The following TRPV4 variants were observed in gnomAD, a reference collection of about 807,000 sequenced individuals.
The protein encoded by TRPV4 is OSM9-like transient receptor potential channel 4.
TRPV4 carries 58 observed loss-of-function variants against 84.1 expected under a neutral mutation model. The observed-to-expected ratio is 0.69, with a 90% CI of 0.56 to 0.86. TRPV4 has a LOEUF of 0.86. TRPV4 is among the 40% of genes least tolerant of loss of function. The pLI is 0.00. For synonymous variants in TRPV4, 489 were observed against 500.9 expected, an observed-to-expected ratio of 0.98 and a Z score of 0.32; for missense variants, 879 against 1,181.1, an observed-to-expected ratio of 0.74 and a Z score of 3.75.
chr12:109,784,248 G>T, intron 15 of TRPV4, 68 bp downstream of exon 15: 2 of 1,610,420 alleles, frequency 1.2e-6, no homozygotes, highest in Non-Finnish European at 1.7e-6. Flanking sequence ...AAAGAAGCAG[G>T]ACTGCTCAAA....
intron 3 of TRPV4, among the ~76,000 whole-genome samples, chr12:109,805,457 G>A (rs1285811676): frequency 1.3e-5 from 2 of 152,214 alleles, no homozygotes; most frequent in East Asian, 3.9e-4. Flanking sequence ...CCAGGAACCA[G>A]CCACCAGGTG....
At position 109,793,509 on chromosome 12, in the gene TRPV4, C is replaced by T. The variant is rs574182242; in HGVS notation, c.1658+18G>A. On this transcript the variant is annotated intron_variant, in intron 10 of 15. Coordinates refer to ENST00000261740, the MANE Select transcript of TRPV4 (RefSeq NM_021625.5). The surrounding 1 kb of genome is among the most constrained non-coding windows in gnomAD (Gnocchi z 4.0). Reference sequence around the variant, plus strand: ...CCTTCCTCACCCAGAAGCTGCCGGCCCAGGGACCTCTACTCACTAGAGCAG... The same window carrying T: ...CCTTCCTCACCCAGAAGCTGCCGGCTCAGGGACCTCTACTCACTAGAGCAG... The T allele has an allele frequency of 3.1e-6, 5 of 1,611,446 alleles. No homozygotes were observed. The highest frequency in any genetic ancestry group is 1.7e-4 in the Middle Eastern group (1 of 6,036).
rs1481500312 is a variant in TRPV4 at position 109,788,450 on chromosome 12, C to T, written c.2158G>A (p.Glu720Lys). 7 of 1,614,202 alleles carry T rather than the reference C, an allele frequency of 4.3e-6. No individual in the cohort carries two copies. The Admixed American group carries it at 5.0e-5, about 12-fold the overall frequency. ...LLNMLIALMGETVGQVSKESK... is the reference protein window; with the variant it reads ...LLNMLIALMGKTVGQVSKESK... ...TCCTTGGAGACCTGGCCCACTGTCTCGCCCATGAGGGCAATGAGCATGTTG... is the reference window on the plus strand; with the variant it reads ...TCCTTGGAGACCTGGCCCACTGTCTTGCCCATGAGGGCAATGAGCATGTTG... Residue 720 changes from glutamate (E) to lysine (K), a missense_variant, in exon 13 of 16, where the codon GAG (glutamate) becomes AAG (lysine). Around this residue, in one of 4 missense-constraint regions of TRPV4, gnomAD observed 242 missense variants for 355.3 expected, o/e 0.68. Transcript: ENST00000261740.
rs1213542341 is a variant in TRPV4, at chr12:109,796,461, C to G, written c.1332+64G>C. The G allele has an allele frequency of 6.3e-7, 1 of 1,591,162 alleles. No individual in the cohort carries two copies. Among genetic ancestry groups the G allele is most frequent in the African/African-American group, 1.3e-5 (1 of 74,272 alleles). On this transcript the variant is annotated intron_variant, in intron 7 of 15. Transcript: ENST00000261740. This position sits in a 1 kb window ranked among gnomAD's most constrained non-coding sequence, Gnocchi z 4.2. ...TGTCTCCCCCAGCCCAGCCCCAGGG[C>G]CCTGTCCCTACTCCCAGCCCTGCCC...
rs552117960 is a variant in TRPV4, at chr12:109,805,300, C to A, written c.560-2157G>T. Among the ~76,000 whole-genome samples, 13 of 152,344 alleles carry A rather than the reference C, an allele frequency of 8.5e-5. No individual in the cohort carries two copies. The South Asian group carries it at 2.5e-3, about 29-fold the overall frequency. The stretch of plus-strand genomic sequence containing the variant: ...CGAGAGCTGGGCACCCCAGGTAATT[C>A]CAAACCATAGGTGACCCAAAGTGGA... On this transcript the variant is annotated intron_variant, in intron 3 of 15. Coordinates refer to ENST00000261740, the MANE Select transcript of TRPV4 (RefSeq NM_021625.5).
rs1889453240 is a variant in TRPV4 at position 109,783,335 on chromosome 12, A to C, written c.*286T>G. On this transcript the variant is annotated 3_prime_UTR_variant, in exon 16 of 16. Transcript: ENST00000261740. The surrounding 1 kb of genome is among the most constrained non-coding windows in gnomAD (Gnocchi z 4.6). ...AGGGGTCACGTCGCTTCCTGAGAGCAGAGCAAATAAATAATGGAGAGGCAG... is the reference window on the plus strand; with the variant it reads ...AGGGGTCACGTCGCTTCCTGAGAGCCGAGCAAATAAATAATGGAGAGGCAG... 2.4e-6 allele frequency: 1 copy of C among 413,752 alleles called. No individual in the cohort carries two copies. Among genetic ancestry groups the C allele is most frequent in the Non-Finnish European group, 4.3e-6 (1 of 231,122 alleles). The allele number at this position is 413,752 out of a possible 1,614,324, so 25.6% of individuals were successfully genotyped here.
In TRPV4 at chr12:109,796,178, G is replaced by A. The variant is rs934430709; in HGVS notation, c.1332+347C>T. Reference sequence around the variant, plus strand: ...TCTTTGGTCCTCCCAAGAACCCCATGGGATATCCATGATCCTTATCCCCAG... The same window carrying A: ...TCTTTGGTCCTCCCAAGAACCCCATAGGATATCCATGATCCTTATCCCCAG... On this transcript the variant is annotated intron_variant, in intron 7 of 15. Coordinates refer to ENST00000261740, the MANE Select transcript of TRPV4 (RefSeq NM_021625.5). The surrounding 1 kb of genome is among the most constrained non-coding windows in gnomAD (Gnocchi z 4.2). Among the ~76,000 whole-genome samples, 1 of 152,132 alleles carries A rather than the reference G, an allele frequency of 6.6e-6. No homozygotes were observed. The highest frequency in any genetic ancestry group is 1.5e-5 in the Non-Finnish European group (1 of 68,026).
Position 109,788,706 on chromosome 12 carries a change from G to A in TRPV4, c.1902C>T (p.Ser634=), listed in dbSNP as rs576390203. 6.2e-7 allele frequency: 1 copy of A among 1,614,118 alleles called. No homozygotes were observed. The highest frequency in any genetic ancestry group is 1.3e-5 in the African/African-American group (1 of 75,050). The change falls in exon 13 of 16, where the codon TCC becomes TCT. Residue 634 remains serine, a synonymous_variant. Coordinates refer to ENST00000261740, the MANE Select transcript of TRPV4 (RefSeq NM_021625.5). ...TCATGTTGGCACACGGGTTCAGGAG[G>A]GAGACCAGGGCTGTGGGAGGATAGG... ...FMIGYASALV[S]LLNPCANMKV...
In TRPV4 at chr12:109,783,593, C is replaced by T. The variant is rs1410688541; in HGVS notation, c.*28G>A. On this transcript the variant is annotated 3_prime_UTR_variant, in exon 16 of 16. Transcript: ENST00000261740. The surrounding 1 kb of genome is among the most constrained non-coding windows in gnomAD (Gnocchi z 4.6). ...TGCGGCTGGACTAGAAATGAGTGGG[C>T]AGAGAAGCTGGGGCTGGGCTGCAGT... 1 of 1,605,770 alleles carries T rather than the reference C, an allele frequency of 6.2e-7. No homozygotes were observed.
chr12:109,823,945 G>GTGTA (rs1253896245), intron 1 of TRPV4, among the ~76,000 whole-genome samples: 1 of 151,352 alleles, frequency 6.6e-6, no homozygotes, highest in East Asian at 1.9e-4. Flanking sequence ...TCTTTCTTGT[G>GTGTA]TGTGTGTGTG....
chr12:109,787,345 C>A (rs1384941140), intron 13 of TRPV4, among the ~76,000 whole-genome samples: 2 of 152,152 alleles, frequency 1.3e-5, no homozygotes, highest in East Asian at 3.8e-4. Flanking sequence ...TGGCTCACAC[C>A]TGCAATCTCA....
intron 4 of TRPV4, among the ~76,000 whole-genome samples, chr12:109,802,125 G>C (rs1300768420): frequency 7.2e-6 from 1 of 139,578 alleles, no homozygotes; most frequent in Non-Finnish European, 1.5e-5. Flanking sequence ...TCAGAATCTT[G>C]GAATCTTTTT....
At position 109,783,496 on chromosome 12, in the gene TRPV4, C is replaced by A; in HGVS notation, c.*125G>T. On this transcript the variant is annotated 3_prime_UTR_variant, in exon 16 of 16. Coordinates refer to ENST00000261740, the MANE Select transcript of TRPV4 (RefSeq NM_021625.5). The surrounding 1 kb of genome is among the most constrained non-coding windows in gnomAD (Gnocchi z 4.6). ...CCACAGGGTCCTGGGGCCTCCCTGG[C>A]ACCTCCACTGGTCCCTCGCCTCTGG... is the stretch of plus-strand genomic sequence containing the variant. 7.5e-7 allele frequency: 1 copy of A among 1,340,326 alleles called. No homozygotes were observed. Among genetic ancestry groups the A allele is most frequent in the South Asian group, 1.4e-5 (1 of 69,288 alleles). The allele number at this position is 1,340,326 out of a possible 1,614,324, so 83.0% of individuals were successfully genotyped here.
At chr12:109,817,698 G>A (rs772667199) in intron 1 of TRPV4, among the ~76,000 whole-genome samples, 1 of 152,222 alleles carries the variant, frequency 6.6e-6, no homozygotes, top group African/African-American at 2.4e-5. Context: ...GCCTGATGAC[G>A]TAGCTCAGGC....
intron 2 of TRPV4, among the ~76,000 whole-genome samples, chr12:109,812,869 G>A (rs1166111419): frequency 6.6e-6 from 1 of 152,152 alleles, no homozygotes; most frequent in Non-Finnish European, 1.5e-5. Flanking sequence ...CTGACAGATG[G>A]GTAGATGAGT....
At position 109,794,318 on chromosome 12, in the gene TRPV4, C is replaced by T. The variant is rs1159405292; in HGVS notation, c.1491+11G>A. ...CCTGCCCCAGCCCCTGCCCGGTCCC[C>T]GGGCACTCACTGTGCCCTCCAGCGG... On this transcript the variant is annotated intron_variant, in intron 8 of 15. Transcript: ENST00000261740. 7 of 1,610,992 alleles carry T rather than the reference C, an allele frequency of 4.3e-6. No individual in the cohort carries two copies. The highest frequency in any genetic ancestry group is 1.3e-5 in the African/African-American group (1 of 75,040).
chr12:109,804,502 G>C (rs774981246), intron 3 of TRPV4, among the ~76,000 whole-genome samples: 51 of 152,300 alleles, frequency 3.3e-4, no homozygotes, highest in African/African-American at 1.2e-3. Context: ...AGTGTTTGTT[G>C]ATTAGCCCAG....
In TRPV4 at chr12:109,814,581, C is replaced by CT; in HGVS notation, c.215dup (p.Ala74ArgfsTer19). On this transcript the variant is annotated frameshift_variant, in exon 2 of 16. Transcript: ENST00000261740. LOFTEE classifies it high-confidence loss of function. This position sits in a 1 kb window ranked among gnomAD's most constrained non-coding sequence, Gnocchi z 5.4. ...TGGGCACCCCCTTGCGGAAGGCGCC[C>CT]TGGAACTTCATGCGCAGATTTGGTC... 6.2e-7 allele frequency: 1 copy of CT among 1,614,108 alleles called. No homozygotes were observed. Among genetic ancestry groups the CT allele is most frequent in the Admixed American group, 1.7e-5 (1 of 60,022 alleles).
rs370928801 is a variant in TRPV4, at chr12:109,798,475, T to C, written c.1152+139A>G. ...AGGGAGCCATAGCAGGTTCTTGAGC[T>C]GGGACATCTGCACACTGGGGTTGGC... On this transcript the variant is annotated intron_variant, in intron 6 of 15. Coordinates refer to ENST00000261740, the MANE Select transcript of TRPV4 (RefSeq NM_021625.5). The surrounding 1 kb of genome is among the most constrained non-coding windows in gnomAD (Gnocchi z 5.0). 8.6e-5 allele frequency: 95 copies of C among 1,101,624 alleles called. No homozygotes were observed. The East Asian group carries it at 1.3e-3, about 15-fold the overall frequency. 68.2% of individuals were successfully genotyped at this position (1,101,624 alleles called of 1,614,324 possible).
Sources: gnomAD v4.1 joint callset for allele counts (sites outside exome capture counted in the v4.1 genomes callset) on GRCh38, gnomAD v4.1.1 for gene constraint, gnomAD v4.1.1 regional missense constraint, Gnocchi (gnomAD v3.1) non-coding constraint, MANE v1.5 for transcripts, NCBI Gene and HGNC (gene_info 2026-07-23, HGNC 2026-07-21) for gene names.